The following ARHGEF12 variants were observed in gnomAD, a reference collection of about 807,000 sequenced individuals.
ARHGEF12 encodes the protein KMT2A/ARHGEF12 fusion protein.
Under a neutral mutation model 211.2 loss-of-function variants are expected in ARHGEF12, and 66 were observed. The observed-to-expected ratio is 0.31, with a 90% confidence interval of 0.26 to 0.38. ARHGEF12 has a LOEUF of 0.38. Ranked by LOEUF, ARHGEF12 falls within the 10% of genes least tolerant of loss-of-function variation. The pLI, the probability that ARHGEF12 is intolerant of heterozygous loss-of-function variation, is 1.00. For missense variants in ARHGEF12, 1,429 were observed against 1,869.5 expected (o/e 0.76, Z 4.34); for synonymous variants, 592 against 638.4 (o/e 0.93, Z 1.09).
chr11:120,443,929 T>C (rs1473313627), intron 15 of ARHGEF12, among the ~76,000 whole-genome samples: 1 of 152,230 alleles, frequency 6.6e-6, no homozygotes, highest in East Asian at 1.9e-4. Context: ...TATATGCAAA[T>C]ACAGTGCCAT....
chr11:120,465,183 T>C (rs1276172647), intron 27 of ARHGEF12, 54 bp from the exon 28 acceptor site: 4 of 1,606,816 alleles, frequency 2.5e-6, no homozygotes, highest in Non-Finnish European at 2.6e-6. Context: ...TTTGTCTGGC[T>C]TGTATAAGCT....
chr11:120,470,259 G>A (rs1439160421), intron 30 of ARHGEF12, among the ~76,000 whole-genome samples: 1 of 152,206 alleles, frequency 6.6e-6, no homozygotes, highest in East Asian at 1.9e-4. Flanking sequence ...GGATGAAAGA[G>A]CCCATTTATT....
intron 1 of ARHGEF12, among the ~76,000 whole-genome samples, chr11:120,405,509 C>A (rs1039871611): frequency 1.3e-5 from 2 of 151,982 alleles, no homozygotes; most frequent in African/African-American, 4.8e-5. Context: ...TTTTTTGTAA[C>A]CGATAATTAC....
intron 26 of ARHGEF12, 86 bp from the exon 27 acceptor site, chr11:120,460,583 TAAA>T: frequency 5.4e-6 from 5 of 921,320 alleles, no homozygotes; most frequent in Non-Finnish European, 6.4e-6. Context: ...ATCGTCTTTA[TAAA>T]AAAAAAAAAT....
chr11:120,458,272 C>T lies in ARHGEF12; in HGVS notation c.2380+38C>T, dbSNP rs1372940267. 6.2e-6 allele frequency: 10 copies of T among 1,608,004 alleles called. No individual in the cohort carries two copies. The East Asian group carries it at 2.2e-4, about 36-fold the overall frequency. The stretch of plus-strand genomic sequence containing the variant: ...AATTTGTTGTTGTTGTTTACAAATA[C>T]TGAGTTTTGTCAGAGTGAATTAAGT... On this transcript the variant is annotated intron_variant, in intron 25 of 40. Transcript: ENST00000397843.
chr11:120,437,378 A>G lies in ARHGEF12; in HGVS notation c.995A>G (p.Asp332Gly), dbSNP rs1945725128. Residue 332 changes from aspartate (D) to glycine (G), a missense_variant, in exon 12 of 41, where the codon GAC becomes GGC. Coordinates refer to ENST00000397843, the MANE Select transcript of ARHGEF12 (RefSeq NM_015313.3). ...CCAGAGAAAAGTGAAACAATTCAGG[A>G]CACTGTGAGTATGAAATCCATGCAA... Reference protein sequence around the residue: ...ENPEKSETIQDTDTQSLVGSP... With the variant: ...ENPEKSETIQGTDTQSLVGSP... 1 of 1,611,454 alleles carries G rather than the reference A, an allele frequency of 6.2e-7. No homozygotes were observed. The highest frequency in any genetic ancestry group is 1.3e-5 in the African/African-American group (1 of 74,958).
chr11:120,437,361 A>G lies in ARHGEF12; in HGVS notation c.978A>G (p.Lys326=). The change falls in exon 12 of 41, where the codon AAA becomes AAG. Residue 326 remains lysine, a synonymous_variant. Transcript: ENST00000397843. Reference sequence around the variant, plus strand: ...TTTATCTAGAGGAAAACCCAGAGAAAAGTGAAACAATTCAGGACACTGTGA... The same window carrying G: ...TTTATCTAGAGGAAAACCCAGAGAAGAGTGAAACAATTCAGGACACTGTGA... ...ERIYLEENPE[K]SETIQDTDTQ... The G allele has an allele frequency of 6.2e-7, 1 of 1,613,106 alleles. No homozygotes were observed. Among genetic ancestry groups the G allele is most frequent in the South Asian group, 1.1e-5 (1 of 90,978 alleles).
intron 1 of ARHGEF12, among the ~76,000 whole-genome samples, chr11:120,356,625 C>G (rs1010338770): frequency 6.6e-6 from 1 of 152,190 alleles, no homozygotes; most frequent in Non-Finnish European, 1.5e-5. Context: ...CAACCTTTTA[C>G]TTATTTCTGG....
intron 1 of ARHGEF12, among the ~76,000 whole-genome samples, chr11:120,369,494 C>CTGG (rs1943529806): frequency 6.6e-6 from 1 of 152,178 alleles, no homozygotes; most frequent in African/African-American, 2.4e-5. Flanking sequence ...TATTTCAGAA[C>CTGG]TGGTGCTTAT....
chr11:120,369,318 G>A (rs1299178685), intron 1 of ARHGEF12, among the ~76,000 whole-genome samples: 2 of 151,882 alleles, frequency 1.3e-5, no homozygotes, highest in East Asian at 1.9e-4. Context: ...TAGTAGAGAC[G>A]GGGTTTCACC....
At chr11:120,437,194 G>A (rs1945718806) in intron 11 of ARHGEF12, 114 bp from the exon 12 acceptor site, 1 of 626,806 alleles carries the variant, frequency 1.6e-6, no homozygotes, top group Non-Finnish European at 2.7e-6. Flanking sequence ...AAGATATTTA[G>A]TAGTTGTAAA....
intron 31 of ARHGEF12, 111 bp downstream of exon 31, chr11:120,473,238 C>A: frequency 1.1e-6 from 1 of 899,458 alleles, no homozygotes; most frequent in Non-Finnish European, 1.7e-6. Flanking sequence ...GTTCTTGTAT[C>A]GTAGATTATC....
chr11:120,388,072 T>G (rs1359744110), intron 1 of ARHGEF12, among the ~76,000 whole-genome samples: 1 of 152,164 alleles, frequency 6.6e-6, no homozygotes, highest in African/African-American at 2.4e-5. Context: ...TTGTGCATTT[T>G]CATAATTTCT....
chr11:120,486,463 C>T lies in ARHGEF12; in HGVS notation c.*1386C>T, dbSNP rs1216713134. The T allele has an allele frequency of 5.2e-5, 12 of 230,840 alleles. No individual in the cohort carries two copies. The highest frequency in any genetic ancestry group is 1.8e-4 in the South Asian group (1 of 5,498). 14.3% of individuals were successfully genotyped at this position (230,840 alleles called of 1,614,324 possible). On this transcript the variant is annotated 3_prime_UTR_variant, in exon 41 of 41. Transcript: ENST00000397843. ...CTGCCTGCTCTAGGATGAATAGTAG[C>T]GTTAGCAGCACCCTACAGAGGGTAA...
intron 1 of ARHGEF12, among the ~76,000 whole-genome samples, chr11:120,393,738 C>A (rs997867700): frequency 6.6e-6 from 1 of 152,076 alleles, no homozygotes; most frequent in Non-Finnish European, 1.5e-5. Context: ...TTTCAGTATC[C>A]GTTTTTCAGT....
Position 120,484,509 on chromosome 11 carries a change from T to A in ARHGEF12, c.4624+2T>A. On this transcript the variant is annotated splice_donor_variant, in intron 40 of 40. Transcript: ENST00000397843. LOFTEE classifies it high-confidence loss of function. ...CAGCCCTCACAGACAAGCACTCAGG[T>A]ATGTAAAAGTTATGAGTTCCAGACT... 1 of 1,613,412 alleles carries A rather than the reference T, an allele frequency of 6.2e-7. No homozygotes were observed. Among genetic ancestry groups the A allele is most frequent in the Non-Finnish European group, 8.5e-7 (1 of 1,179,532 alleles).
intron 1 of ARHGEF12, among the ~76,000 whole-genome samples, chr11:120,371,601 T>C (rs1943590716): frequency 1.3e-5 from 2 of 152,172 alleles, no homozygotes; most frequent in Non-Finnish European, 2.9e-5. Flanking sequence ...TGTGAAATGG[T>C]TTAAAGGGCA....
intron 1 of ARHGEF12, among the ~76,000 whole-genome samples, chr11:120,338,901 A>G (rs1350864494): frequency 4.6e-5 from 7 of 152,000 alleles, no homozygotes; most frequent in Non-Finnish European, 7.4e-5. Flanking sequence ...TCTTCTCGTT[A>G]TCTTGGAAAT....
intron 1 of ARHGEF12, among the ~76,000 whole-genome samples, chr11:120,400,677 C>G (rs1315059624): frequency 1.3e-5 from 2 of 152,276 alleles, no homozygotes; most frequent in East Asian, 1.9e-4. Flanking sequence ...CTGCATTTCT[C>G]AGTCAGCAAC....
Sources: allele counts gnomAD v4.1 joint callset (sites outside exome capture counted in the v4.1 genomes callset), GRCh38; gene constraint gnomAD v4.1.1; transcripts MANE v1.5; gene names NCBI Gene and HGNC (gene_info 2026-07-23, HGNC 2026-07-21).